The following LMNTD1 variants were observed in gnomAD, a reference collection of about 807,000 sequenced individuals.
The protein encoded by LMNTD1 is lamin tail domain containing 1.
Under a neutral mutation model 50.9 loss-of-function variants are expected in LMNTD1, and 35 were observed. That is an observed-to-expected ratio of 0.69 (90% CI 0.53 to 0.91). The LOEUF (loss-of-function observed/expected upper bound fraction) is 0.91, where lower values mean the gene tolerates loss of function less well. Among genes scored for constraint, LMNTD1 ranks in the 40% least tolerant of loss-of-function variants. The probability of loss-of-function intolerance (pLI) is 0.00; values close to 1 mark genes in which losing one functional copy is unlikely to be tolerated. For synonymous variants in LMNTD1, 153 were observed against 161.9 expected, an observed-to-expected ratio of 0.94 and a Z score of 0.42; for missense variants, 470 against 475.5, an observed-to-expected ratio of 0.99 and a Z score of 0.11.
intron 1 of LMNTD1, among the ~76,000 whole-genome samples, chr12:25,616,958 G>A (rs921745768): frequency 2.6e-5 from 4 of 152,024 alleles, no homozygotes; most frequent in African/African-American, 9.7e-5. Context: ...ACTCAGAACT[G>A]TACACTAAAA....
intron 1 of LMNTD1, among the ~76,000 whole-genome samples, chr12:25,601,705 A>G (rs1945980315): frequency 6.6e-6 from 1 of 152,014 alleles, no homozygotes; most frequent in South Asian, 2.1e-4. Context: ...TTATAAAGAA[A>G]GAAAATCAAT....
chr12:25,630,343 GGACA>G (rs959179073), intron 1 of LMNTD1, among the ~76,000 whole-genome samples: 10 of 152,134 alleles, frequency 6.6e-5, no homozygotes, highest in African/African-American at 2.4e-4. Context: ...GCTCTGACTC[GGACA>G]GACAGAGCAG....
intron 1 of LMNTD1, among the ~76,000 whole-genome samples, chr12:25,635,668 A>T (rs764950320): frequency 1.3e-5 from 2 of 152,192 alleles, no homozygotes; most frequent in Admixed American, 1.3e-4. Context: ...AAAAGAGCCC[A>T]CGTAGCCAAA....
At chr12:25,551,409 A>G (rs934506776) in intron 2 of LMNTD1, among the ~76,000 whole-genome samples, 2 of 147,914 alleles carry the variant, frequency 1.4e-5, no homozygotes, top group Non-Finnish European at 3.0e-5. Flanking sequence ...TTTTTTTATG[A>G]GACAGGGTCT....
intron 4 of LMNTD1, among the ~76,000 whole-genome samples, chr12:25,541,050 C>T (rs569061735): frequency 4.1e-4 from 47 of 115,826 alleles, no homozygotes; most frequent in Middle Eastern, 3.8e-3. Context: ...AGGAGAACTA[C>T]AAACCGCTGC....
At chr12:25,542,252 G>C (rs1216832193) in intron 4 of LMNTD1, among the ~76,000 whole-genome samples, 16 of 152,082 alleles carry the variant, frequency 1.1e-4, no homozygotes, top group Admixed American at 4.6e-4. Context: ...AATCATGCTG[G>C]TATAAAGACA....
chr12:25,583,851 A>G (rs999401466), intron 1 of LMNTD1, among the ~76,000 whole-genome samples: 4 of 152,160 alleles, frequency 2.6e-5, no homozygotes, highest in Non-Finnish European at 5.9e-5. Context: ...TCTGAGAGAG[A>G]AGGAAAATCA....
Position 25,526,937 on chromosome 12 carries a change from T to G in LMNTD1, c.510A>C (p.Glu170Asp). Reference protein sequence around the residue: ...QFTSSSLGDVEIAEVNVKGLF... With the variant: ...QFTSSSLGDVDIAEVNVKGLF... ...AACCCTTGACATTCACTTCAGCTATTTCAACATCTCCAAGAGAACTAGAAA... is the reference window on the plus strand; with the variant it reads ...AACCCTTGACATTCACTTCAGCTATGTCAACATCTCCAAGAGAACTAGAAA... Residue 170 changes from glutamate (E) to aspartate (D), a missense_variant, in exon 5 of 10, where the codon GAA (glutamate) becomes GAC (aspartate). By Grantham distance (45) the Glu-to-Asp change is conservative (BLOSUM62 2). Coordinates refer to ENST00000458174, the MANE Select transcript of LMNTD1 (RefSeq NM_001145728.2). The G allele has an allele frequency of 6.2e-7, 1 of 1,607,728 alleles. No homozygotes were observed. The highest frequency in any genetic ancestry group is 1.1e-5 in the South Asian group (1 of 89,778).
intron 1 of LMNTD1, among the ~76,000 whole-genome samples, chr12:25,647,876 G>T (rs992143297): frequency 6.6e-6 from 1 of 152,098 alleles, no homozygotes. Flanking sequence ...GTCAAATAAC[G>T]TTCAAAATTG....
intron 1 of LMNTD1, among the ~76,000 whole-genome samples, chr12:25,623,066 G>GA (rs974619210): frequency 1.6e-4 from 24 of 151,724 alleles, no homozygotes; most frequent in Admixed American, 2.6e-4. Flanking sequence ...CCTGCCAGAG[G>GA]AAAAAAAATT....
intron 1 of LMNTD1, among the ~76,000 whole-genome samples, chr12:25,564,118 G>T (rs1027229010): frequency 6.6e-6 from 1 of 152,086 alleles, no homozygotes; most frequent in Non-Finnish European, 1.5e-5. Context: ...GCAATGCCCC[G>T]CCCTGCTCCA....
intron 9 of LMNTD1, among the ~76,000 whole-genome samples, chr12:25,483,751 C>T (rs902921585): frequency 5.9e-5 from 8 of 134,576 alleles, no homozygotes; most frequent in African/African-American, 1.4e-4. Context: ...CAAGCCAGGG[C>T]GACAGAGTGA....
At chr12:25,647,622 C>T (rs1044378134) in intron 1 of LMNTD1, among the ~76,000 whole-genome samples, 2 of 152,062 alleles carry the variant, frequency 1.3e-5, no homozygotes, top group Non-Finnish European at 2.9e-5. Context: ...TTTATTCATC[C>T]TTTTATCTCT....
At chr12:25,619,252 C>CTCTCTCTCTCTCTCTCTATATA (rs1374134268) in intron 1 of LMNTD1, among the ~76,000 whole-genome samples, 6 of 84,444 alleles carry the variant, frequency 7.1e-5, no homozygotes, top group Admixed American at 4.6e-4. Context: ...CTCTCTCTCT[C>CTCTCTCTCTCTCTCTCTATATA]TATATATATA....
chr12:25,620,822 C>T (rs953052814), intron 1 of LMNTD1, among the ~76,000 whole-genome samples: 1 of 152,188 alleles, frequency 6.6e-6, no homozygotes, highest in Non-Finnish European at 1.5e-5. Context: ...ATGTCAATAT[C>T]TATGAATTCT....
intron 1 of LMNTD1, among the ~76,000 whole-genome samples, chr12:25,593,492 A>G (rs192501121): frequency 3.9e-5 from 6 of 152,278 alleles, no homozygotes; most frequent in African/African-American, 1.4e-4. Context: ...TCAGGAAGCC[A>G]TATCCCTAAG....
intron 1 of LMNTD1, among the ~76,000 whole-genome samples, chr12:25,559,782 T>G (rs1002659752): frequency 2.0e-5 from 3 of 152,230 alleles, no homozygotes; most frequent in Admixed American, 1.3e-4. Flanking sequence ...TGATTTGCAT[T>G]TCTCTGATGG....
chr12:25,615,547 T>C (rs1001843383), intron 1 of LMNTD1, among the ~76,000 whole-genome samples: 13 of 152,244 alleles, frequency 8.5e-5, no homozygotes, highest in Middle Eastern at 6.8e-3. Context: ...CTGCAACCTT[T>C]GCCTTCCAGA....
intron 1 of LMNTD1, among the ~76,000 whole-genome samples, chr12:25,642,202 T>C (rs2136627772): frequency 6.6e-6 from 1 of 152,308 alleles, no homozygotes; most frequent in East Asian, 1.9e-4. Context: ...GCTTATGAAC[T>C]GAATGTTTGT....
Sources: allele counts gnomAD v4.1 joint callset (sites outside exome capture counted in the v4.1 genomes callset), GRCh38; gene constraint gnomAD v4.1.1; transcripts MANE v1.5; gene names NCBI Gene and HGNC (gene_info 2026-07-23, HGNC 2026-07-21).